PLCB1: variants seen among roughly 807,000 people sequenced by gnomAD.
PLCB1 encodes the protein 1-phosphatidylinositol 4,5-bisphosphate phosphodiesterase beta-1.
Under a neutral mutation model 161.8 loss-of-function variants are expected in PLCB1, and 46 were observed. The observed-to-expected ratio is 0.28, with a 90% confidence interval of 0.22 to 0.36. PLCB1 has a LOEUF of 0.36. Among genes scored for constraint, PLCB1 ranks in the 10% least tolerant of loss-of-function variants. The pLI is 1.00. For synonymous variants in PLCB1, 517 were observed against 503.7 expected (o/e 1.03, Z -0.35); for missense variants, 1,016 against 1,472.5 (o/e 0.69, Z 5.07).
chr20:8,403,627 A>G (rs1978659315), intron 3 of PLCB1, among the ~76,000 whole-genome samples: 1 of 151,694 alleles, frequency 6.6e-6, no homozygotes, highest in Non-Finnish European at 1.5e-5. Flanking sequence ...GGGTGTAGTG[A>G]CACGTACCTG....
At chr20:8,853,245 G>A (rs1986950876) in intron 31 of PLCB1, among the ~76,000 whole-genome samples, 1 of 152,058 alleles carries the variant, frequency 6.6e-6, no homozygotes, top group Non-Finnish European at 1.5e-5. Context: ...ATAGCCTCAG[G>A]AAAAAATTAA....
chr20:8,243,811 G>A (rs1261065542), intron 2 of PLCB1, among the ~76,000 whole-genome samples: 1 of 151,862 alleles, frequency 6.6e-6, no homozygotes, highest in Non-Finnish European at 1.5e-5. Flanking sequence ...TCTTAGAATT[G>A]AAAACAAATG....
chr20:8,856,412 T>C (rs1003257137), intron 31 of PLCB1, among the ~76,000 whole-genome samples: 1 of 152,128 alleles, frequency 6.6e-6, no homozygotes, highest in Admixed American at 6.5e-5. Context: ...GGCCAGGAGT[T>C]CGAGACCAGC....
rs10683042 is a variant in PLCB1, at chr20:8,240,279, GACAC to G, written c.177+89931_177+89934del. Among the ~76,000 whole-genome samples, 874 of 149,636 alleles carry G rather than the reference GACAC, an allele frequency of 5.8e-3. 5 individuals are homozygous for G. Among genetic ancestry groups the G allele is most frequent in the African/African-American group, 0.019 (759 of 40,566 alleles). Reference sequence around the variant, plus strand: ...AACCTTCCAAAATTTTCATGATATTGACACACACACACACACACACACACACGCA... The same window carrying G: ...AACCTTCCAAAATTTTCATGATATTGACACACACACACACACACACACGCA... On this transcript the variant is annotated intron_variant, in intron 2 of 31. Coordinates refer to ENST00000338037, the MANE Select transcript of PLCB1 (RefSeq NM_015192.4).
intron 2 of PLCB1, among the ~76,000 whole-genome samples, chr20:8,205,028 T>C (rs998606817): frequency 1.3e-5 from 2 of 152,188 alleles, no homozygotes; most frequent in Non-Finnish European, 1.5e-5. Context: ...GTTTTGAATT[T>C]AAACTGAATA....
chr20:8,521,578 G>A (rs1458089330), intron 3 of PLCB1, among the ~76,000 whole-genome samples: 1 of 152,034 alleles, frequency 6.6e-6, no homozygotes, highest in Admixed American at 6.6e-5. Context: ...GGTGGTGTGT[G>A]CCTTCCTCCC....
intron 31 of PLCB1, among the ~76,000 whole-genome samples, chr20:8,831,951 T>C (rs371404705): frequency 7.5e-4 from 79 of 105,578 alleles, no homozygotes; most frequent in South Asian, 2.8e-3. Context: ...TCTTTCTTTC[T>C]TTCTTTCTTT....
At chr20:8,538,384 T>C (rs1304976918) in intron 3 of PLCB1, among the ~76,000 whole-genome samples, 1 of 152,204 alleles carries the variant, frequency 6.6e-6, no homozygotes, top group Admixed American at 6.5e-5. Context: ...TCTTGCTCTG[T>C]TGCCCAGGCT....
chr20:8,830,809 A>G (rs747022137), intron 31 of PLCB1, among the ~76,000 whole-genome samples: 12 of 152,122 alleles, frequency 7.9e-5, no homozygotes, highest in Non-Finnish European at 1.3e-4. Flanking sequence ...CAGATTTTGC[A>G]TAGATGTCAC....
chr20:8,845,230 A>T (rs1331911782), intron 31 of PLCB1, among the ~76,000 whole-genome samples: 1 of 152,182 alleles, frequency 6.6e-6, no homozygotes, highest in Non-Finnish European at 1.5e-5. Context: ...GGCAGGAAAG[A>T]TACAGGAAGT....
intron 9 of PLCB1, among the ~76,000 whole-genome samples, chr20:8,673,027 G>C (rs776847143): frequency 6.6e-6 from 1 of 151,898 alleles, no homozygotes. Context: ...CAGGAGAATC[G>C]CTTGAACCTG....
At chr20:8,527,668 G>GA (rs952059387) in intron 3 of PLCB1, among the ~76,000 whole-genome samples, 10 of 152,054 alleles carry the variant, frequency 6.6e-5, no homozygotes, top group African/African-American at 2.2e-4. Context: ...CCAAGATGCT[G>GA]AAAATGTTCC....
chr20:8,797,047 T>G (rs770175119), intron 31 of PLCB1, among the ~76,000 whole-genome samples: 1 of 152,228 alleles, frequency 6.6e-6, no homozygotes, highest in Non-Finnish European at 1.5e-5. Flanking sequence ...TAGTAATAGA[T>G]GAGAATCTAC....
intron 2 of PLCB1, among the ~76,000 whole-genome samples, chr20:8,201,477 C>T (rs1485424468): frequency 6.6e-6 from 1 of 152,088 alleles, no homozygotes; most frequent in Non-Finnish European, 1.5e-5. Flanking sequence ...ATGATGACAG[C>T]TGGGGTGCCC....
intron 9 of PLCB1, 36 bp downstream of exon 9, chr20:8,658,740 G>A: frequency 6.5e-7 from 1 of 1,547,258 alleles, no homozygotes; most frequent in Non-Finnish European, 8.7e-7. Flanking sequence ...GGAAGCTCTT[G>A]TTTCTGATTG....
intron 2 of PLCB1, among the ~76,000 whole-genome samples, chr20:8,191,397 T>C (rs932527983): frequency 3.9e-5 from 6 of 152,042 alleles, no homozygotes; most frequent in Non-Finnish European, 7.4e-5. Context: ...CCTCATTATA[T>C]CTACCAAGAT....
At chr20:8,573,675 G>A (rs1986593302) in intron 3 of PLCB1, among the ~76,000 whole-genome samples, 1 of 152,150 alleles carries the variant, frequency 6.6e-6, no homozygotes, top group Non-Finnish European at 1.5e-5. Context: ...AAATGACTTT[G>A]GCTTTCACTT....
intron 2 of PLCB1, among the ~76,000 whole-genome samples, chr20:8,181,340 A>G (rs2051842178): frequency 6.6e-6 from 1 of 151,816 alleles, no homozygotes; most frequent in Admixed American, 6.6e-5. Flanking sequence ...GAATGCTAGG[A>G]ATGTGTGTGG....
At chr20:8,307,206 G>T (rs901558623) in intron 2 of PLCB1, among the ~76,000 whole-genome samples, 1 of 152,186 alleles carries the variant, frequency 6.6e-6, no homozygotes, top group Admixed American at 6.5e-5. Context: ...GGGAGTAGGG[G>T]GGTGGGCATG....
Sources: gnomAD v4.1 joint callset for allele counts (sites outside exome capture counted in the v4.1 genomes callset) on GRCh38, gnomAD v4.1.1 for gene constraint, MANE v1.5 for transcripts, NCBI Gene and HGNC (gene_info 2026-07-23, HGNC 2026-07-21) for gene names.